FAM168A: variants seen among roughly 807,000 people sequenced by gnomAD.
FAM168A encodes the protein protein FAM168A.
A neutral mutation model predicts 28.5 loss-of-function variants in FAM168A; 3 were observed. The observed-to-expected ratio is 0.11, with a 90% confidence interval of 0.05 to 0.27. FAM168A has a LOEUF of 0.27. Among genes scored for constraint, FAM168A ranks in the 10% least tolerant of loss-of-function variants. The probability of loss-of-function intolerance (pLI) is 1.00; values close to 1 mark genes in which losing one functional copy is unlikely to be tolerated. For missense variants in FAM168A, 222 were observed against 311.5 expected (o/e 0.71, Z 2.16); for synonymous variants, 122 against 124.2 (o/e 0.98, Z 0.12).
At chr11:73,587,265 C>T (rs769632539) in intron 1 of FAM168A, among the ~76,000 whole-genome samples, 3 of 150,696 alleles carry the variant, frequency 2.0e-5, no homozygotes, top group African/African-American at 4.9e-5. Context: ...CCGAGGTGGG[C>T]GGATCACCTG....
At chr11:73,410,184 T>A (rs1866583836) in intron 5 of FAM168A, among the ~76,000 whole-genome samples, 1 of 151,644 alleles carries the variant, frequency 6.6e-6, no homozygotes, top group South Asian at 2.1e-4. Context: ...GGCAGGCAGA[T>A]CACTTGAGGT....
chr11:73,432,772 G>A (rs1867018200), intron 2 of FAM168A, among the ~76,000 whole-genome samples: 1 of 152,094 alleles, frequency 6.6e-6, no homozygotes, highest in African/African-American at 2.4e-5. Flanking sequence ...AAAATTAGCT[G>A]AGTGTGGTAG....
At chr11:73,572,698 A>G (rs1182127428) in intron 1 of FAM168A, among the ~76,000 whole-genome samples, 2 of 149,220 alleles carry the variant, frequency 1.3e-5, no homozygotes, top group African/African-American at 5.0e-5. Flanking sequence ...AAGAGTCATC[A>G]CCACTCCCTA....
chr11:73,534,144 T>C (rs115878712), intron 1 of FAM168A, among the ~76,000 whole-genome samples: 1,523 of 152,248 alleles, frequency 0.01, 29 homozygotes, highest in African/African-American at 0.035. Context: ...GTCCTCTCCT[T>C]AGACCCTACT....
intron 2 of FAM168A, among the ~76,000 whole-genome samples, chr11:73,444,405 A>C (rs1867261550): frequency 6.6e-6 from 1 of 152,186 alleles, no homozygotes; most frequent in Non-Finnish European, 1.5e-5. Context: ...CCAGCTGGTT[A>C]GGCCTATTAT....
At chr11:73,583,420 T>A (rs1245398942) in intron 1 of FAM168A, among the ~76,000 whole-genome samples, 1 of 152,210 alleles carries the variant, frequency 6.6e-6, no homozygotes, top group Admixed American at 6.5e-5. Flanking sequence ...ACCTGACATG[T>A]CTTTACTGAT....
chr11:73,406,609 CA>C lies in FAM168A; in HGVS notation c.*153del, dbSNP rs1241895166. ...TTTTACAAAAACCAAAAATAAAAAT[CA>C]AAACCATTAAAGATGCATAAAGTGA... On this transcript the variant is annotated 3_prime_UTR_variant, in exon 8 of 8. Coordinates refer to ENST00000356467, the MANE Select transcript of FAM168A (RefSeq NM_015159.3). 4 of 152,728 alleles carry C rather than the reference CA, an allele frequency of 2.6e-5. No homozygotes were observed. In the East Asian group the frequency reaches 7.7e-4, roughly 29 times the overall value. The allele number at this position is 152,728 out of a possible 1,614,324, so 9.5% of individuals were successfully genotyped here.
At chr11:73,468,994 G>A (rs1804921617) in intron 1 of FAM168A, among the ~76,000 whole-genome samples, 1 of 152,218 alleles carries the variant, frequency 6.6e-6, no homozygotes, top group African/African-American at 2.4e-5. Context: ...GAAAAGCAGT[G>A]TCTCATCCGC....
intron 5 of FAM168A, 35 bp from the exon 6 acceptor site, chr11:73,409,696 G>A (rs762916579): frequency 1.3e-6 from 2 of 1,572,884 alleles, no homozygotes; most frequent in Non-Finnish European, 1.7e-6. Context: ...ATAGGCATTT[G>A]GAGAGGTAGG....
rs1321440256 is a variant in FAM168A at position 73,404,326 on chromosome 11, C to CCCA, written c.*2436_*2437insTGG. On this transcript the variant is annotated 3_prime_UTR_variant, in exon 8 of 8. Coordinates refer to ENST00000356467, the MANE Select transcript of FAM168A (RefSeq NM_015159.3). ...TGTTCCCTTCCATAACCTGTTTCCT[C>CCCA]ATTTGTCAATTGACTGTAATAACTC... is the stretch of plus-strand genomic sequence containing the variant. 1 of 152,214 alleles carries CCCA rather than the reference C, an allele frequency of 6.6e-6. No individual in the cohort carries two copies. The highest frequency in any genetic ancestry group is 1.5e-5 in the Non-Finnish European group (1 of 68,054). The allele number at this position is 152,214 out of a possible 1,614,324, so 9.4% of individuals were successfully genotyped here.
chr11:73,525,432 A>T (rs979564971), intron 1 of FAM168A, among the ~76,000 whole-genome samples: 1 of 152,126 alleles, frequency 6.6e-6, no homozygotes, highest in African/African-American at 2.4e-5. Flanking sequence ...CTGAATGAAG[A>T]CCTTCACTAA....
intron 1 of FAM168A, among the ~76,000 whole-genome samples, chr11:73,547,054 G>A (rs1376245183): frequency 6.7e-6 from 1 of 149,228 alleles, no homozygotes; most frequent in African/African-American, 2.5e-5. Context: ...GGAGGCCAAG[G>A]TGGGAAGATT....
intron 1 of FAM168A, among the ~76,000 whole-genome samples, chr11:73,563,513 G>T (rs1295789200): frequency 6.6e-6 from 1 of 152,080 alleles, no homozygotes; most frequent in African/African-American, 2.4e-5. Context: ...GAGGAAAACA[G>T]TAAGTATGTA....
At chr11:73,461,552 C>T (rs1489877889) in intron 2 of FAM168A, among the ~76,000 whole-genome samples, 2 of 152,090 alleles carry the variant, frequency 1.3e-5, no homozygotes, top group Non-Finnish European at 2.9e-5. Context: ...ACCAGATGGA[C>T]TGAGAATATA....
At chr11:73,510,175 A>G (rs1194064398) in intron 1 of FAM168A, among the ~76,000 whole-genome samples, 1 of 152,164 alleles carries the variant, frequency 6.6e-6, no homozygotes, top group East Asian at 1.9e-4. Context: ...GGATCCATCT[A>G]TTCGTAGCTA....
intron 1 of FAM168A, among the ~76,000 whole-genome samples, chr11:73,498,720 C>G (rs1854943214): frequency 6.6e-6 from 1 of 152,174 alleles, no homozygotes; most frequent in African/African-American, 2.4e-5. Flanking sequence ...AAGACTTGTC[C>G]CACAGCCCAA....
chr11:73,548,059 T>C (rs894562083), intron 1 of FAM168A, among the ~76,000 whole-genome samples: 1 of 152,072 alleles, frequency 6.6e-6, no homozygotes. Flanking sequence ...AATAGTAAAA[T>C]TGTGGTTGTC....
At chr11:73,510,901 C>T (rs1422493615) in intron 1 of FAM168A, 1 of 273,686 alleles carries the variant, frequency 3.7e-6, no homozygotes, top group Non-Finnish European at 6.9e-6. Context: ...CCAATGGAAC[C>T]TCAAAGCGGG....
intron 2 of FAM168A, among the ~76,000 whole-genome samples, chr11:73,438,932 G>C (rs745695215): frequency 2.5e-4 from 38 of 152,250 alleles, no homozygotes; most frequent in Non-Finnish European, 4.4e-4. Context: ...TGCAGGGTTT[G>C]CAAGTACTAT....
Sources: gnomAD v4.1 joint callset for allele counts (sites outside exome capture counted in the v4.1 genomes callset) on GRCh38, gnomAD v4.1.1 for gene constraint, MANE v1.5 for transcripts, NCBI Gene and HGNC (gene_info 2026-07-23, HGNC 2026-07-21) for gene names.